The following CUL5 variants were observed in gnomAD, a reference collection of about 807,000 sequenced individuals.
The protein encoded by CUL5 is cullin 5, also known as cullin-5.
A neutral mutation model predicts 108.8 loss-of-function variants in CUL5; 26 were observed. The ratio of observed to expected loss-of-function variants is 0.24; its 90% CI spans 0.18 to 0.33. CUL5 has a LOEUF of 0.33. Among genes scored for constraint, CUL5 ranks in the 10% least tolerant of loss-of-function variants. The pLI, the probability that CUL5 is intolerant of heterozygous loss-of-function variation, is 1.00. For synonymous variants in CUL5, 334 were observed against 298.0 expected, an observed-to-expected ratio of 1.12 and a Z score of -1.25; for missense variants, 524 against 909.2, an observed-to-expected ratio of 0.58 and a Z score of 5.45.
intron 1 of CUL5, among the ~76,000 whole-genome samples, chr11:108,030,302 A>G (rs1862547025): frequency 6.6e-6 from 1 of 152,242 alleles, no homozygotes; most frequent in African/African-American, 2.4e-5. Context: ...AGCTAATCCC[A>G]GTACTAAGTT....
chr11:108,022,937 T>TATCCAA (rs1862361588), intron 1 of CUL5, among the ~76,000 whole-genome samples: 2 of 152,354 alleles, frequency 1.3e-5, no homozygotes, highest in Middle Eastern at 3.4e-3. Flanking sequence ...GAGCCTTTCT[T>TATCCAA]GGATATACAT....
intron 2 of CUL5, among the ~76,000 whole-genome samples, chr11:108,044,707 G>T (rs1204494428): frequency 6.7e-6 from 1 of 150,270 alleles, no homozygotes; most frequent in Admixed American, 6.6e-5. Context: ...TTTACAACTT[G>T]GTCATTTGAT....
At chr11:108,065,048 C>T (rs780093361) in intron 7 of CUL5, among the ~76,000 whole-genome samples, 8 of 151,632 alleles carry the variant, frequency 5.3e-5, no homozygotes, top group Non-Finnish European at 8.8e-5. Flanking sequence ...TTTTTTGAGA[C>T]GGAGTCTTGC....
At chr11:108,084,942 CTAAT>C in intron 11 of CUL5, 1 of 152,346 alleles carries the variant, frequency 6.6e-6, no homozygotes, top group East Asian at 1.9e-4. Context: ...GTGTTTACAA[CTAAT>C]TAATCACAAC....
In CUL5 at chr11:108,062,037, G is replaced by A. The variant is rs142923905; in HGVS notation, c.780+7082G>A. ...TCCCACCAGGTCCCTGTCTCAACACGTGGGAATTACAATTCGAGATGAAAT... is the reference window on the plus strand; with the variant it reads ...TCCCACCAGGTCCCTGTCTCAACACATGGGAATTACAATTCGAGATGAAAT... On this transcript the variant is annotated intron_variant, in intron 7 of 18. Transcript: ENST00000393094. Among the ~76,000 whole-genome samples the A allele has an allele frequency of 1.5e-3, 222 of 152,282 alleles. No homozygotes were observed. In the East Asian group the frequency reaches 0.016, roughly 11 times the overall value.
chr11:108,073,471 C>T lies in CUL5; in HGVS notation c.1087C>T (p.Pro363Ser). The T allele has an allele frequency of 6.3e-7, 1 of 1,581,236 alleles. No homozygotes were observed. The highest frequency in any genetic ancestry group is 8.6e-7 in the Non-Finnish European group (1 of 1,157,494). The stretch of plus-strand genomic sequence containing the variant: ...CGTCAAAGAAGCTTTTCAAGATGAT[C>T]CACGATTTCTTACTGCAAGAGATAA... Reference protein sequence around the residue: ...KLVKEAFQDDPRFLTARDKAY... With the variant: ...KLVKEAFQDDSRFLTARDKAY... Residue 363 changes from proline (P) to serine (S), a missense_variant, in exon 10 of 19, where the codon CCA becomes TCA. Pro to Ser is a moderately conservative substitution (Grantham distance 74, BLOSUM62 -1). Coordinates refer to ENST00000393094, the MANE Select transcript of CUL5 (RefSeq NM_003478.6).
chr11:108,033,665 G>C (rs1159728142), intron 1 of CUL5, 137 bp from the exon 2 acceptor site: 2 of 608,022 alleles, frequency 3.3e-6, no homozygotes, highest in Non-Finnish European at 5.8e-6. Flanking sequence ...GATTAAGCCT[G>C]TAGGGATTCC....
chr11:108,010,814 G>A lies in CUL5; in HGVS notation c.24+1442G>A, dbSNP rs528696301. 2.2e-3 allele frequency among the ~76,000 whole-genome samples: 329 copies of A among 152,248 alleles called. 2 individuals are homozygous for A. Among genetic ancestry groups the A allele is most frequent in the Non-Finnish European group, 4.0e-3 (274 of 67,998 alleles). ...ATGCTTTACTTCAGAAAGAAAATTT[G>A]TGGGCTGGGCACAGTGGCTCACTCC... On this transcript the variant is annotated intron_variant, in intron 1 of 18. Transcript: ENST00000393094.
Position 108,009,061 on chromosome 11 carries a change from G to C in CUL5, c.-288G>C. On this transcript the variant is annotated 5_prime_UTR_variant, in exon 1 of 19. Coordinates refer to ENST00000393094, the MANE Select transcript of CUL5 (RefSeq NM_003478.6). ...AGTCGATGCTTCCTCTTCCAAGTCA[G>C]GTCGGCTCCCGTTACCTTCTCAGCA... is the stretch of plus-strand genomic sequence containing the variant. 2 of 504,550 alleles carry C rather than the reference G, an allele frequency of 4.0e-6. No individual in the cohort carries two copies. Among genetic ancestry groups the C allele is most frequent in the Non-Finnish European group, 7.1e-6 (2 of 283,036 alleles). 31.3% of individuals were successfully genotyped at this position (504,550 alleles called of 1,614,324 possible).
chr11:108,062,664 C>T (rs370330619), intron 7 of CUL5, among the ~76,000 whole-genome samples: 4 of 151,730 alleles, frequency 2.6e-5, no homozygotes, highest in Admixed American at 1.3e-4. Context: ...AGGCATGCAA[C>T]GCATGATAAT....
chr11:108,018,907 C>T (rs1416748425), intron 1 of CUL5, among the ~76,000 whole-genome samples: 1 of 152,002 alleles, frequency 6.6e-6, no homozygotes, highest in Non-Finnish European at 1.5e-5. Flanking sequence ...TGGTATTGGG[C>T]AAGTTACTTA....
At chr11:108,061,884 T>C (rs190642938) in intron 7 of CUL5, among the ~76,000 whole-genome samples, 4 of 149,308 alleles carry the variant, frequency 2.7e-5, no homozygotes, top group Admixed American at 6.6e-5. Context: ...GCACATCTTA[T>C]GTGGCAGCAG....
intron 12 of CUL5, 68 bp from the exon 13 acceptor site, chr11:108,089,424 A>T (rs1591328904): frequency 1.7e-6 from 2 of 1,199,526 alleles, no homozygotes; most frequent in East Asian, 5.3e-5. Context: ...TGGTGGATAT[A>T]GAAAGGTCTA....
At chr11:108,054,978 A>G in intron 7 of CUL5, 23 bp downstream of exon 7, 1 of 1,462,234 alleles carries the variant, frequency 6.8e-7, no homozygotes, top group Non-Finnish European at 9.4e-7. Context: ...GTAATTGTAC[A>G]TTTTATGGGA....
intron 1 of CUL5, among the ~76,000 whole-genome samples, chr11:108,032,288 G>A (rs963715942): frequency 6.6e-6 from 1 of 152,072 alleles, no homozygotes; most frequent in Non-Finnish European, 1.5e-5. Flanking sequence ...GAGTGCATCA[G>A]TTGAGCCCAG....
intron 1 of CUL5, among the ~76,000 whole-genome samples, chr11:108,032,976 C>A (rs1158570483): frequency 6.6e-6 from 1 of 152,098 alleles, no homozygotes; most frequent in African/African-American, 2.4e-5. Context: ...ACTTCTGACA[C>A]CAACTGTAAG....
At chr11:108,054,150 T>C (rs1340176051) in intron 5 of CUL5, among the ~76,000 whole-genome samples, 3 of 152,322 alleles carry the variant, frequency 2.0e-5, no homozygotes, top group South Asian at 4.1e-4. Context: ...GCAGGCTTAA[T>C]TTTTCTGTAG....
chr11:108,025,485 G>A (rs759289020), intron 1 of CUL5, among the ~76,000 whole-genome samples: 6 of 152,200 alleles, frequency 3.9e-5, no homozygotes, highest in South Asian at 2.1e-4. Flanking sequence ...TTTAAGTTTC[G>A]TTAGAGTGTG....
At chr11:108,017,040 G>A (rs3908130) in intron 1 of CUL5, among the ~76,000 whole-genome samples, 148,546 of 152,260 alleles carry the variant, frequency 0.98, 72,543 homozygotes, top group Middle Eastern at 1. Flanking sequence ...GATCTGTGTA[G>A]CTGTGGTTTG....
Sources: gnomAD v4.1 joint callset for allele counts (sites outside exome capture counted in the v4.1 genomes callset) on GRCh38, gnomAD v4.1.1 for gene constraint, MANE v1.5 for transcripts, NCBI Gene and HGNC (gene_info 2026-07-23, HGNC 2026-07-21) for gene names.